Variants in GFRAL observed in about 807,000 individuals in gnomAD.
GFRAL encodes GDNF family receptor alpha like.
A neutral mutation model predicts 45.4 loss-of-function variants in GFRAL; 36 were observed. The observed-to-expected ratio is 0.79, with a 90% CI of 0.61 to 1.05. The LOEUF (loss-of-function observed/expected upper bound fraction) is 1.05. GFRAL is among the 50% of genes least tolerant of loss of function. The pLI is 0.00. For synonymous variants in GFRAL, 166 were observed against 154.1 expected, an observed-to-expected ratio of 1.08 and a Z score of -0.57; for missense variants, 507 against 467.5, an observed-to-expected ratio of 1.08 and a Z score of -0.78.
intron 3 of GFRAL, among the ~76,000 whole-genome samples, chr6:55,348,865 A>G (rs1452958141): frequency 6.6e-6 from 1 of 152,162 alleles, no homozygotes; most frequent in Non-Finnish European, 1.5e-5. Flanking sequence ...AGTTTCTTGA[A>G]TATATTTTAG....
At chr6:55,394,251 A>G (rs1768792881) in intron 6 of GFRAL, among the ~76,000 whole-genome samples, 1 of 152,194 alleles carries the variant, frequency 6.6e-6, no homozygotes, top group Admixed American at 6.5e-5. Flanking sequence ...AAAAATATCA[A>G]GAAGGTAGCT....
chr6:55,386,697 T>A (rs1204508507), intron 6 of GFRAL, among the ~76,000 whole-genome samples: 2 of 152,084 alleles, frequency 1.3e-5, no homozygotes, highest in Non-Finnish European at 2.9e-5. Flanking sequence ...CTTTCAAAAT[T>A]CAAAATTCCC....
At chr6:55,395,220 T>C (rs2127366733) in intron 6 of GFRAL, among the ~76,000 whole-genome samples, 1 of 147,462 alleles carries the variant, frequency 6.8e-6, no homozygotes, top group East Asian at 2.0e-4. Flanking sequence ...ATTTTACACA[T>C]TTTCCAAAGG....
In GFRAL at chr6:55,373,317, C is replaced by T. The variant is rs557751503; in HGVS notation, c.952+14179C>T. On this transcript the variant is annotated intron_variant, in intron 6 of 8. Coordinates refer to ENST00000340465, the MANE Select transcript of GFRAL (RefSeq NM_207410.2). ...ACGGCCATATCTGAAATAGGTTTGG[C>T]GGAGTACACCCTCCTCGGGGAACAT... Among the ~76,000 whole-genome samples, 10 of 152,152 alleles carry T rather than the reference C, an allele frequency of 6.6e-5. No homozygotes were observed. In the East Asian group the frequency reaches 7.8e-4, roughly 12 times the overall value.
intron 6 of GFRAL, among the ~76,000 whole-genome samples, chr6:55,368,337 A>G (rs1768395963): frequency 6.7e-6 from 1 of 148,556 alleles, no homozygotes; most frequent in Non-Finnish European, 1.5e-5. Flanking sequence ...CTAGTTATAC[A>G]TTCTTCTAAA....
intron 6 of GFRAL, among the ~76,000 whole-genome samples, chr6:55,375,540 C>G (rs1768512282): frequency 2.0e-5 from 3 of 151,522 alleles, no homozygotes; most frequent in African/African-American, 7.3e-5. Flanking sequence ...CAATGGTGTT[C>G]CCTAGATATA....
chr6:55,367,746 C>A (rs1768385298), intron 6 of GFRAL, among the ~76,000 whole-genome samples: 1 of 151,394 alleles, frequency 6.6e-6, no homozygotes, highest in Non-Finnish European at 1.5e-5. Context: ...AAATTCTTTT[C>A]TTTAAGAATG....
In GFRAL at chr6:55,401,918, T is replaced by G. The variant is rs1226706962; in HGVS notation, c.*65T>G. 2.1e-5 allele frequency: 17 copies of G among 803,522 alleles called. No individual in the cohort carries two copies. The East Asian group carries it at 4.4e-4, about 21-fold the overall frequency. The allele number at this position is 803,522 out of a possible 1,614,324, so 49.8% of individuals were successfully genotyped here. A position where few individuals can be genotyped will look rare whatever the true frequency, so the allele number is the denominator to read the frequency against. ...TCTGCTTTTCTTCTTTCCTCTTTTCTTCTCTCCTCTCCTCTCCTCTCTTCT... is the reference window on the plus strand; with the variant it reads ...TCTGCTTTTCTTCTTTCCTCTTTTCGTCTCTCCTCTCCTCTCCTCTCTTCT... On this transcript the variant is annotated 3_prime_UTR_variant, in exon 9 of 9. Coordinates refer to ENST00000340465, the MANE Select transcript of GFRAL (RefSeq NM_207410.2).
At chr6:55,355,018 T>A (rs1017800434) in intron 5 of GFRAL, among the ~76,000 whole-genome samples, 8 of 151,994 alleles carry the variant, frequency 5.3e-5, no homozygotes, top group African/African-American at 1.9e-4. Context: ...TATTTTTATA[T>A]ATTAACTTAA....
intron 3 of GFRAL, among the ~76,000 whole-genome samples, chr6:55,339,682 A>G (rs1767937340): frequency 6.6e-6 from 1 of 152,198 alleles, no homozygotes; most frequent in Non-Finnish European, 1.5e-5. Context: ...AGGGACTGAT[A>G]ATGGCATTAA....
chr6:55,357,284 G>A (rs1243170524), intron 5 of GFRAL, among the ~76,000 whole-genome samples: 2 of 151,658 alleles, frequency 1.3e-5, no homozygotes, highest in Non-Finnish European at 3.0e-5. Context: ...TGCTGAAAGT[G>A]AGATGTTGAA....
intron 1 of GFRAL, 151 bp from the exon 2 acceptor site, chr6:55,331,564 G>T (rs1767829831): frequency 1.9e-6 from 1 of 538,112 alleles, no homozygotes; most frequent in African/African-American, 2.0e-5. Context: ...CAGATCTACA[G>T]CTAGAGAGGA....
intron 6 of GFRAL, among the ~76,000 whole-genome samples, chr6:55,391,120 T>A (rs116627169): frequency 3.3e-4 from 50 of 151,448 alleles, no homozygotes; most frequent in Non-Finnish European, 5.4e-4. Flanking sequence ...CATTTAAGAT[T>A]GTAGTCAAGT....
At chr6:55,393,429 C>G (rs563331486) in intron 6 of GFRAL, among the ~76,000 whole-genome samples, 1 of 152,010 alleles carries the variant, frequency 6.6e-6, no homozygotes, top group Admixed American at 6.6e-5. Context: ...CTAAAAAAGA[C>G]GTTGAATTTA....
intron 6 of GFRAL, among the ~76,000 whole-genome samples, chr6:55,368,753 T>C (rs1272128374): frequency 1.2e-4 from 18 of 152,140 alleles, no homozygotes; most frequent in African/African-American, 3.1e-4. Context: ...TTAGGCTGCT[T>C]GGGGGTCAGG....
At chr6:55,381,687 G>A (rs1041740751) in intron 6 of GFRAL, among the ~76,000 whole-genome samples, 2 of 151,598 alleles carry the variant, frequency 1.3e-5, no homozygotes, top group African/African-American at 4.8e-5. Flanking sequence ...ACTTAATAAA[G>A]GTTCGAACTC....
At chr6:55,343,649 C>G (rs1332531896) in intron 3 of GFRAL, among the ~76,000 whole-genome samples, 1 of 152,038 alleles carries the variant, frequency 6.6e-6, no homozygotes, top group African/African-American at 2.4e-5. Context: ...CATTCAAAAG[C>G]TAGCAGAAGG....
chr6:55,328,270 C>A (rs1271431092), intron 1 of GFRAL, among the ~76,000 whole-genome samples: 1 of 151,812 alleles, frequency 6.6e-6, no homozygotes, highest in Non-Finnish European at 1.5e-5. Flanking sequence ...TATTTTATAT[C>A]TTCTTTAGCA....
At position 55,401,907 on chromosome 6, in the gene GFRAL, TTCC is replaced by T; in HGVS notation, c.*57_*59del. 1 of 987,186 alleles carries T rather than the reference TTCC, an allele frequency of 1.0e-6. No individual in the cohort carries two copies. The allele number at this position is 987,186 out of a possible 1,614,324, so 61.2% of individuals were successfully genotyped here. On this transcript the variant is annotated 3_prime_UTR_variant, in exon 9 of 9. Transcript: ENST00000340465. ...TCACTCTTTTCTCTGCTTTTCTTCT[TTCC>T]TCTTTTCTTCTCTCCTCTCCTCTCC...
Sources: allele counts gnomAD v4.1 joint callset (sites outside exome capture counted in the v4.1 genomes callset), GRCh38; gene constraint gnomAD v4.1.1; transcripts MANE v1.5; gene names NCBI Gene and HGNC (gene_info 2026-07-23, HGNC 2026-07-21).